Variants in GALNT14 observed in about 807,000 individuals in gnomAD.
GALNT14 encodes the protein UDP-GalNAc:polypeptide N-acetylgalactosaminyltransferase 14.
A neutral mutation model predicts 77.5 loss-of-function variants in GALNT14; 60 were observed. The ratio of observed to expected loss-of-function variants is 0.77; its 90% confidence interval spans 0.63 to 0.96. GALNT14 has a LOEUF of 0.96. Ranked by LOEUF, GALNT14 falls within the 40% of genes least tolerant of loss-of-function variation. The pLI, the probability that GALNT14 is intolerant of heterozygous loss-of-function variation, is 0.00. For missense variants in GALNT14, 710 were observed against 731.0 expected, an observed-to-expected ratio of 0.97 and a Z score of 0.33; for synonymous variants, 280 against 281.7, an observed-to-expected ratio of 0.99 and a Z score of 0.06.
chr2:30,891,090 G>A, the GALNT14 span, among the ~76,000 whole-genome samples: 3,162 of 152,296 alleles, frequency 0.021, 135 homozygotes, highest in African/African-American at 0.072. Flanking sequence ...CAAGTGGGCA[G>A]GTAGTTGGCA....
At chr2:30,911,145 T>C in intron 14 of GALNT14, 86 bp from the exon 15 acceptor site, 1 of 1,256,364 alleles carries the variant, frequency 8.0e-7, no homozygotes, top group Non-Finnish European at 1.1e-6. Flanking sequence ...AGGTGCCTCA[T>C]GTCTAGGGTC....
intron 1 of GALNT14, among the ~76,000 whole-genome samples, chr2:31,092,753 A>C (rs1676816017): frequency 6.6e-6 from 1 of 152,192 alleles, no homozygotes; most frequent in South Asian, 2.1e-4. Context: ...CAGAAAAACA[A>C]ATGTACAGTG....
At chr2:31,007,967 G>A (rs867496) in intron 1 of GALNT14, among the ~76,000 whole-genome samples, 43,945 of 152,002 alleles carry the variant, frequency 0.29, 6,594 homozygotes, top group East Asian at 0.4. Flanking sequence ...TCTGAGCAGG[G>A]CATTTCCCTC....
At chr2:30,965,283 G>A (rs1024222932) in intron 3 of GALNT14, among the ~76,000 whole-genome samples, 1 of 152,146 alleles carries the variant, frequency 6.6e-6, no homozygotes, top group African/African-American at 2.4e-5. Context: ...AGTTTCCTCA[G>A]CTGTGAAGTG....
At chr2:30,938,754 C>T (rs1336349720) in intron 9 of GALNT14, among the ~76,000 whole-genome samples, 1 of 152,182 alleles carries the variant, frequency 6.6e-6, no homozygotes, top group African/African-American at 2.4e-5. Context: ...TGGGGTAGGG[C>T]AAGGGCCATG....
At chr2:30,924,331 G>C (rs561823717) in intron 12 of GALNT14, 68 bp from the exon 13 acceptor site, 1 of 1,542,938 alleles carries the variant, frequency 6.5e-7, no homozygotes, top group Non-Finnish European at 9.0e-7. Context: ...ACCAGCTGGA[G>C]AGGGTGGGCA....
At chr2:31,125,398 C>A (rs1678656564) in intron 1 of GALNT14, 6 of 655,002 alleles carry the variant, frequency 9.2e-6, no homozygotes, top group Middle Eastern at 2.5e-4. Context: ...GCCCTTATTT[C>A]TTCCCTGAGA....
At chr2:30,946,270 G>C (rs1666690473) in intron 6 of GALNT14, among the ~76,000 whole-genome samples, 2 of 152,162 alleles carry the variant, frequency 1.3e-5, no homozygotes, top group Non-Finnish European at 2.9e-5. Context: ...GTTTGGATCT[G>C]TGTCCCCAAT....
intron 1 of GALNT14, among the ~76,000 whole-genome samples, chr2:31,056,700 G>C (rs553935602): frequency 1.3e-5 from 2 of 152,078 alleles, no homozygotes; most frequent in Non-Finnish European, 2.9e-5. Context: ...TATTGAAATC[G>C]GGTATTTCAA....
chr2:31,080,246 A>C (rs1676074914), intron 1 of GALNT14, among the ~76,000 whole-genome samples: 1 of 152,252 alleles, frequency 6.6e-6, no homozygotes, highest in Non-Finnish European at 1.5e-5. Context: ...ATTACCCTGA[A>C]TAATGGGGAG....
chr2:31,115,860 T>A (rs952534373), intron 1 of GALNT14, among the ~76,000 whole-genome samples: 2 of 151,966 alleles, frequency 1.3e-5, no homozygotes, highest in Admixed American at 1.3e-4. Flanking sequence ...ATTTTTAAAA[T>A]AAAAAAAATT....
chr2:31,022,276 C>T (rs1255471952), intron 1 of GALNT14, among the ~76,000 whole-genome samples: 1 of 152,244 alleles, frequency 6.6e-6, no homozygotes, highest in Non-Finnish European at 1.5e-5. Context: ...CCTTTTAAAA[C>T]ATATACACTG....
At chr2:31,100,746 A>C (rs992177342) in intron 1 of GALNT14, among the ~76,000 whole-genome samples, 7 of 152,100 alleles carry the variant, frequency 4.6e-5, no homozygotes, top group African/African-American at 1.7e-4. Flanking sequence ...TCCTAGACTT[A>C]TGGTAGAGTT....
intron 2 of GALNT14, among the ~76,000 whole-genome samples, chr2:30,968,152 A>G (rs887819271): frequency 3.9e-5 from 6 of 152,226 alleles, no homozygotes; most frequent in African/African-American, 1.4e-4. Flanking sequence ...GGGAAGGCCC[A>G]TGCCCTTGTC....
the GALNT14 span, among the ~76,000 whole-genome samples, chr2:30,897,318 G>T: frequency 6.6e-6 from 1 of 152,220 alleles, no homozygotes; most frequent in Admixed American, 6.5e-5. Context: ...TCCTGCCCCC[G>T]GTTTGGCAAG....
chr2:30,936,419 A>AG (rs1666061678), intron 9 of GALNT14, among the ~76,000 whole-genome samples: 1 of 152,190 alleles, frequency 6.6e-6, no homozygotes, highest in Admixed American at 6.5e-5. Flanking sequence ...TTCTAAACAA[A>AG]GGCAAAGAGA....
chr2:30,979,589 T>C (rs932571653), intron 2 of GALNT14, among the ~76,000 whole-genome samples: 9 of 152,196 alleles, frequency 5.9e-5, no homozygotes, highest in Admixed American at 5.2e-4. Context: ...AAAGTTTCCA[T>C]GGAGATCAGG....
At chr2:31,067,498 G>C (rs1675056733) in intron 1 of GALNT14, among the ~76,000 whole-genome samples, 1 of 152,216 alleles carries the variant, frequency 6.6e-6, no homozygotes, top group South Asian at 2.1e-4. Flanking sequence ...TGCCGGCAGA[G>C]GGTGCACTCA....
At chr2:30,900,253 C>G in the GALNT14 span, among the ~76,000 whole-genome samples, 2 of 152,138 alleles carry the variant, frequency 1.3e-5, no homozygotes, top group Non-Finnish European at 2.9e-5. Context: ...TAAATTCTGT[C>G]TTTTGGGGCT....
Sources: gnomAD v4.1 joint callset for allele counts (sites outside exome capture counted in the v4.1 genomes callset) on GRCh38, gnomAD v4.1.1 for gene constraint, MANE v1.5 for transcripts, NCBI Gene and HGNC (gene_info 2026-07-23, HGNC 2026-07-21) for gene names.